WHRN: variants seen among roughly 807,000 people sequenced by gnomAD.
The protein encoded by WHRN is whirlin.
WHRN carries 41 observed loss-of-function variants against 68.3 expected under a neutral mutation model. That is an observed-to-expected ratio of 0.60 (90% confidence interval 0.47 to 0.78). The LOEUF (loss-of-function observed/expected upper bound fraction) is 0.78. WHRN is among the 30% of genes least tolerant of loss of function. The pLI is 0.00. For synonymous variants in WHRN, 560 were observed against 561.3 expected, an observed-to-expected ratio of 1.00 and a Z score of 0.03; for missense variants, 1,243 against 1,244.7, an observed-to-expected ratio of 1.00 and a Z score of 0.02.
At chr9:114,447,331 G>T (rs1013230115) in intron 3 of WHRN, among the ~76,000 whole-genome samples, 1 of 152,182 alleles carries the variant, frequency 6.6e-6, no homozygotes, top group African/African-American at 2.4e-5. Flanking sequence ...GTCACCTTGG[G>T]TAAATCATTT....
chr9:114,503,331 G>A (rs77856052), intron 1 of WHRN: 409 of 393,752 alleles, frequency 1.0e-3, no homozygotes, highest in African/African-American at 8.5e-3. Flanking sequence ...ACGCAAAGGA[G>A]GTCGGGGGAG....
At position 114,504,692 on chromosome 9, in the gene WHRN, G is replaced by T. The variant is rs748282538; in HGVS notation, c.110C>A (p.Ala37Asp). ...CGCTTGGTGCAGCTGGCGCACGTTG[G>T]CAGACAGTAACCGCAGCCCCGCGCC... ...GGGAGLRLLSANVRQLHQALT... is the reference protein window; with the variant it reads ...GGGAGLRLLSDNVRQLHQALT... Residue 37 changes from alanine (A) to aspartate (D), a missense_variant, in exon 1 of 12, where the codon GCC (alanine) becomes GAC (aspartate). Coordinates refer to ENST00000362057, the MANE Select transcript of WHRN (RefSeq NM_015404.4). 6.3e-7 allele frequency: 1 copy of T among 1,589,660 alleles called. No homozygotes were observed. Among genetic ancestry groups the T allele is most frequent in the Non-Finnish European group, 8.5e-7 (1 of 1,173,558 alleles).
At chr9:114,499,246 T>C (rs564845870) in intron 1 of WHRN, among the ~76,000 whole-genome samples, 6 of 152,322 alleles carry the variant, frequency 3.9e-5, no homozygotes, top group South Asian at 2.1e-4. Context: ...CTCTGCACCC[T>C]TTCCGCTTGC....
intron 1 of WHRN, among the ~76,000 whole-genome samples, chr9:114,492,273 C>T (rs1443037204): frequency 6.6e-6 from 1 of 152,084 alleles, no homozygotes; most frequent in Non-Finnish European, 1.5e-5. Flanking sequence ...GCCAATGCCA[C>T]CTCTAGAAAG....
At chr9:114,494,843 T>A (rs1843307935) in intron 1 of WHRN, among the ~76,000 whole-genome samples, 1 of 149,756 alleles carries the variant, frequency 6.7e-6, no homozygotes, top group Non-Finnish European at 1.5e-5. Context: ...CAAAGGTTAT[T>A]ATCATACAAT....
At chr9:114,468,072 C>T (rs2132987706) in intron 2 of WHRN, among the ~76,000 whole-genome samples, 1 of 152,326 alleles carries the variant, frequency 6.6e-6, no homozygotes, top group East Asian at 1.9e-4. Flanking sequence ...AGACTCAAGT[C>T]CCAGCTTCCC....
At chr9:114,482,841 A>G (rs909261917) in intron 1 of WHRN, among the ~76,000 whole-genome samples, 4 of 152,200 alleles carry the variant, frequency 2.6e-5, no homozygotes, top group African/African-American at 9.7e-5. Flanking sequence ...AGAACACCAC[A>G]GAGAGCCAGC....
At chr9:114,482,377 C>G (rs1842159669) in intron 1 of WHRN, among the ~76,000 whole-genome samples, 1 of 152,214 alleles carries the variant, frequency 6.6e-6, no homozygotes, top group African/African-American at 2.4e-5. Flanking sequence ...GGAAAAATCA[C>G]ACGTGGATTG....
intron 3 of WHRN, among the ~76,000 whole-genome samples, chr9:114,440,211 C>A (rs10817612): frequency 0.2 from 30,279 of 151,980 alleles, 3,429 homozygotes; most frequent in Middle Eastern, 0.32. Context: ...CTGCACCCAG[C>A]CACAAATCTA....
At chr9:114,494,124 T>C (rs747576846) in intron 1 of WHRN, among the ~76,000 whole-genome samples, 1 of 152,210 alleles carries the variant, frequency 6.6e-6, no homozygotes, top group Non-Finnish European at 1.5e-5. Context: ...GAAGTGTCAG[T>C]GGGGGATTTA....
chr9:114,503,082 G>T, intron 1 of WHRN: 1 of 967,224 alleles, frequency 1.0e-6, no homozygotes, highest in Non-Finnish European at 1.2e-6. Context: ...CAGGTGCACA[G>T]CCAGGGAGAC....
intron 2 of WHRN, among the ~76,000 whole-genome samples, chr9:114,468,009 G>C (rs139414785): frequency 2.6e-5 from 4 of 152,198 alleles, no homozygotes; most frequent in Non-Finnish European, 2.9e-5. Context: ...CCCTTTAAAT[G>C]TGTTATCTCA....
chr9:114,443,257 A>G (rs548965006), intron 3 of WHRN, among the ~76,000 whole-genome samples: 20 of 152,376 alleles, frequency 1.3e-4, no homozygotes, highest in Middle Eastern at 6.8e-3. Context: ...CCACAAACTC[A>G]GTGGTTTAAA....
intron 7 of WHRN, among the ~76,000 whole-genome samples, chr9:114,422,627 A>G (rs1016037282): frequency 4.6e-5 from 7 of 152,130 alleles, no homozygotes; most frequent in African/African-American, 1.7e-4. Flanking sequence ...TGATGTCAGG[A>G]GTTCGAGACC....
chr9:114,421,904 C>T (rs773230725), intron 7 of WHRN, among the ~76,000 whole-genome samples: 15 of 152,034 alleles, frequency 9.9e-5, no homozygotes, highest in Non-Finnish European at 1.9e-4. Flanking sequence ...GGATGAGCAC[C>T]CTTGGAAATG....
intron 4 of WHRN, chr9:114,425,992 A>G (rs1836816789): frequency 1.6e-6 from 1 of 630,528 alleles, no homozygotes; most frequent in African/African-American, 1.8e-5. Context: ...CAAATAAAGA[A>G]TGAGACAGTT....
intron 3 of WHRN, among the ~76,000 whole-genome samples, chr9:114,430,967 T>C (rs2132466414): frequency 6.6e-6 from 1 of 152,282 alleles, no homozygotes; most frequent in East Asian, 1.9e-4. Context: ...GCTCTCTCCC[T>C]TTTCCTCTAC....
rs538900649 is a variant in WHRN, at chr9:114,409,383, G to A, written c.1627-1365C>T. ...ATGCAATCGGGGGAGGGGTTACCAC[G>A]GAAGGCTTCCTGGAGGACGGGGCAC... On this transcript the variant is annotated intron_variant, in intron 7 of 11. Transcript: ENST00000362057. Among the ~76,000 whole-genome samples the A allele has an allele frequency of 9.7e-4, 147 of 152,302 alleles. 1 individual carries two copies. The highest frequency in any genetic ancestry group is 4.3e-3 in the East Asian group (22 of 5,176).
chr9:114,458,139 G>T (rs1392617193), intron 3 of WHRN, among the ~76,000 whole-genome samples: 5 of 152,166 alleles, frequency 3.3e-5, no homozygotes, highest in African/African-American at 1.2e-4. Flanking sequence ...GTAGAAAAGA[G>T]AAATAATTTA....
Sources: gnomAD v4.1 joint callset for allele counts (sites outside exome capture counted in the v4.1 genomes callset) on GRCh38, gnomAD v4.1.1 for gene constraint, MANE v1.5 for transcripts, NCBI Gene and HGNC (gene_info 2026-07-23, HGNC 2026-07-21) for gene names.